The following SRD5A2 variants were observed in gnomAD, a reference collection of about 807,000 sequenced individuals.
SRD5A2 encodes 3-oxo-5-alpha-steroid 4-dehydrogenase 2.
SRD5A2 carries 30 observed loss-of-function variants against 27.4 expected under a neutral mutation model. The ratio of observed to expected loss-of-function variants is 1.10; its 90% CI spans 0.82 to 1.49. The LOEUF is 1.49. Among genes scored for constraint, SRD5A2 ranks in the 40% most tolerant of loss-of-function variants. The pLI is 0.00. For synonymous variants in SRD5A2, 141 were observed against 133.6 expected, an observed-to-expected ratio of 1.06 and a Z score of -0.38; for missense variants, 348 against 323.4, an observed-to-expected ratio of 1.08 and a Z score of -0.58.
intron 1 of SRD5A2, among the ~76,000 whole-genome samples, chr2:31,557,427 T>C (rs1177636705): frequency 6.6e-6 from 1 of 152,258 alleles, no homozygotes; most frequent in Non-Finnish European, 1.5e-5. Context: ...ACAGAGAAAT[T>C]GGACCGCAAA....
At position 31,522,629 on chromosome 2, in the gene SRD5A2, T is replaced by C. The variant is rs890681114; in HGVS notation, c.*3567A>G. 4 of 216,450 alleles carry C rather than the reference T, an allele frequency of 1.8e-5. No individual in the cohort carries two copies. Among genetic ancestry groups the C allele is most frequent in the African/African-American group, 6.8e-5 (3 of 44,396 alleles). 13.4% of individuals were successfully genotyped at this position (216,450 alleles called of 1,614,324 possible). Reference sequence around the variant, plus strand: ...GACTTGTACAAAGAATAAACAAATGTCTTACTTAGAAATTAAATCCACTCG... The same window carrying C: ...GACTTGTACAAAGAATAAACAAATGCCTTACTTAGAAATTAAATCCACTCG... On this transcript the variant is annotated 3_prime_UTR_variant, in exon 5 of 5. Transcript: ENST00000622030.
the SRD5A2 span, among the ~76,000 whole-genome samples, chr2:31,604,081 G>A: frequency 6.6e-6 from 1 of 151,638 alleles, no homozygotes; most frequent in Admixed American, 6.6e-5. Flanking sequence ...AAAAGTCAAT[G>A]TTTCTTCATA....
At chr2:31,542,419 G>A (rs1226661582) in intron 1 of SRD5A2, among the ~76,000 whole-genome samples, 1 of 152,168 alleles carries the variant, frequency 6.6e-6, no homozygotes, top group African/African-American at 2.4e-5. Flanking sequence ...GGCTAAGGCA[G>A]AAGGATCACC....
At chr2:31,647,618 A>C in the SRD5A2 span, among the ~76,000 whole-genome samples, 1 of 151,968 alleles carries the variant, frequency 6.6e-6, no homozygotes, top group African/African-American at 2.4e-5. Flanking sequence ...GTGAAAAATA[A>C]CCCCCTCTCT....
At chr2:31,595,525 A>C in the SRD5A2 span, among the ~76,000 whole-genome samples, 1 of 152,214 alleles carries the variant, frequency 6.6e-6, no homozygotes, top group Non-Finnish European at 1.5e-5. Flanking sequence ...AACTCTGAAC[A>C]GACAAATAAC....
At chr2:31,615,643 T>C in the SRD5A2 span, among the ~76,000 whole-genome samples, 1 of 152,080 alleles carries the variant, frequency 6.6e-6, no homozygotes, top group Non-Finnish European at 1.5e-5. Context: ...AGCCTGGCAA[T>C]GTGATAGAAA....
At chr2:31,536,973 G>T (rs893113628) in intron 1 of SRD5A2, among the ~76,000 whole-genome samples, 3 of 152,152 alleles carry the variant, frequency 2.0e-5, no homozygotes, top group African/African-American at 7.2e-5. Flanking sequence ...TCATTGCTAA[G>T]TAAATATTCA....
chr2:31,581,050 G>T, upstream of SRD5A2: 3 of 722,368 alleles, frequency 4.2e-6, no homozygotes, highest in Non-Finnish European at 5.7e-6. Flanking sequence ...GCCGCGTCCA[G>T]CCCTGGCGCG....
At chr2:31,632,604 C>T in the SRD5A2 span, among the ~76,000 whole-genome samples, 3 of 152,158 alleles carry the variant, frequency 2.0e-5, no homozygotes, top group Non-Finnish European at 4.4e-5. Context: ...CTCCTGGACA[C>T]TGGCACGGCC....
the SRD5A2 span, among the ~76,000 whole-genome samples, chr2:31,590,566 C>T: frequency 4.8e-3 from 725 of 152,136 alleles, 4 homozygotes; most frequent in African/African-American, 0.016. Flanking sequence ...CTTCACAGAA[C>T]TGGAAAAAAC....
rs28383102 is a variant in SRD5A2, at chr2:31,522,725, T to C, written c.*3471A>G. The C allele has an allele frequency of 5.3e-3, 1,175 of 223,284 alleles. 16 individuals are homozygous for C. The highest frequency in any genetic ancestry group is 0.024 in the African/African-American group (1,084 of 44,918). The allele number at this position is 223,284 out of a possible 1,614,324, so 13.8% of individuals were successfully genotyped here. On this transcript the variant is annotated 3_prime_UTR_variant, in exon 5 of 5. Coordinates refer to ENST00000622030, the MANE Select transcript of SRD5A2 (RefSeq NM_000348.4). Reference sequence around the variant, plus strand: ...ATGCCTCTTTCATCATAGGATAGTGTAGATGCTATAAAATAATCAGCATCC... The same window carrying C: ...ATGCCTCTTTCATCATAGGATAGTGCAGATGCTATAAAATAATCAGCATCC...
chr2:31,646,810 A>T, the SRD5A2 span, among the ~76,000 whole-genome samples: 1 of 152,238 alleles, frequency 6.6e-6, no homozygotes, highest in Admixed American at 6.5e-5. Context: ...GTCCCCAAAC[A>T]TCTAACACTG....
chr2:31,557,165 C>T (rs1230356930), intron 1 of SRD5A2, among the ~76,000 whole-genome samples: 1 of 152,180 alleles, frequency 6.6e-6, no homozygotes, highest in Admixed American at 6.5e-5. Context: ...GAGGATTACA[C>T]CCCTGGTTGC....
chr2:31,613,887 A>G, the SRD5A2 span, among the ~76,000 whole-genome samples: 4 of 152,114 alleles, frequency 2.6e-5, no homozygotes, highest in South Asian at 2.1e-4. Flanking sequence ...ATCAGATCTC[A>G]TGACACTTAT....
the SRD5A2 span, among the ~76,000 whole-genome samples, chr2:31,644,831 T>A: frequency 1.3e-5 from 2 of 152,220 alleles, no homozygotes; most frequent in Non-Finnish European, 2.9e-5. Flanking sequence ...TCCTAGGAAA[T>A]ACACACTGAA....
At chr2:31,601,769 T>C in the SRD5A2 span, among the ~76,000 whole-genome samples, 2 of 152,056 alleles carry the variant, frequency 1.3e-5, no homozygotes. Context: ...TGCAAATCAA[T>C]CAATGTGATT....
the SRD5A2 span, among the ~76,000 whole-genome samples, chr2:31,600,077 T>C: frequency 2.4e-4 from 36 of 152,152 alleles, no homozygotes; most frequent in African/African-American, 8.7e-4. Flanking sequence ...AGTGAGAACA[T>C]ACAGTATTTG....
chr2:31,641,646 G>A, the SRD5A2 span, among the ~76,000 whole-genome samples: 50 of 152,184 alleles, frequency 3.3e-4, no homozygotes, highest in African/African-American at 1.1e-3. Context: ...TCCTAAGATA[G>A]AAAGGTTGGC....
chr2:31,590,358 A>G, the SRD5A2 span, among the ~76,000 whole-genome samples: 2 of 152,158 alleles, frequency 1.3e-5, no homozygotes, highest in Non-Finnish European at 2.9e-5. Context: ...TTCACTGAGC[A>G]GTGGTTTGCA....
Sources: allele counts gnomAD v4.1 joint callset (sites outside exome capture counted in the v4.1 genomes callset), GRCh38; gene constraint gnomAD v4.1.1; transcripts MANE v1.5; gene names NCBI Gene and HGNC (gene_info 2026-07-23, HGNC 2026-07-21).